MAD1L1: variants seen among roughly 807,000 people sequenced by gnomAD.
MAD1L1 encodes mitotic arrest deficient 1 like 1.
Under a neutral mutation model 96.9 loss-of-function variants are expected in MAD1L1, and 95 were observed. That is an observed-to-expected ratio of 0.98 (90% CI 0.83 to 1.16). The LOEUF is 1.16. MAD1L1 is among the 50% of genes most tolerant of loss of function. MAD1L1 has a pLI of 0.00. For synonymous variants in MAD1L1, 473 were observed against 396.6 expected, an observed-to-expected ratio of 1.19 and a Z score of -2.29; for missense variants, 1,007 against 954.4, an observed-to-expected ratio of 1.06 and a Z score of -0.73.
At chr7:2,211,622 C>A (rs2114984486) in intron 10 of MAD1L1, among the ~76,000 whole-genome samples, 1 of 152,326 alleles carries the variant, frequency 6.6e-6, no homozygotes, top group African/African-American at 2.4e-5. Flanking sequence ...GCCCAGAGAA[C>A]AGACAGAAGC....
intron 10 of MAD1L1, among the ~76,000 whole-genome samples, chr7:2,206,852 C>T (rs557255781): frequency 6.6e-6 from 1 of 151,778 alleles, no homozygotes; most frequent in East Asian, 1.9e-4. Flanking sequence ...GAGGCCAAGG[C>T]GGGTGGATCA....
chr7:1,962,461 A>G (rs1112057), intron 15 of MAD1L1, among the ~76,000 whole-genome samples: 2,781 of 152,316 alleles, frequency 0.018, 93 homozygotes, highest in African/African-American at 0.063. Flanking sequence ...GAAAAATTGG[A>G]CTTTATCATA....
intron 12 of MAD1L1, among the ~76,000 whole-genome samples, chr7:2,055,449 G>T (rs116872964): frequency 0.022 from 3,406 of 152,178 alleles, 38 homozygotes; most frequent in Non-Finnish European, 0.033. Flanking sequence ...TGAGACATGG[G>T]GACCGCAGGC....
intron 18 of MAD1L1, among the ~76,000 whole-genome samples, chr7:1,854,844 C>T (rs2128643292): frequency 6.6e-6 from 1 of 152,324 alleles, no homozygotes; most frequent in East Asian, 1.9e-4. Flanking sequence ...GCTCCCATTT[C>T]AAAAGGGGGA....
Position 2,037,013 on chromosome 7 carries a change from G to A in MAD1L1, c.1219-22371C>T, listed in dbSNP as rs190905698. On this transcript the variant is annotated intron_variant, in intron 12 of 18. Coordinates refer to ENST00000265854, the MANE Select transcript of MAD1L1 (RefSeq NM_001013836.2). ...CACGAGCTTCCGCGTGCCCACCCAC[G>A]CGCAGAAGACCTCCACCTGCCGCAT... is the stretch of plus-strand genomic sequence containing the variant. Among the ~76,000 whole-genome samples the A allele has an allele frequency of 3.0e-4, 46 of 151,804 alleles. 3 individuals are homozygous for A. The highest frequency in any genetic ancestry group is 2.5e-3 in the Admixed American group (38 of 15,248).
At chr7:2,198,820 G>C (rs896460324) in intron 10 of MAD1L1, among the ~76,000 whole-genome samples, 2 of 152,208 alleles carry the variant, frequency 1.3e-5, no homozygotes, top group African/African-American at 2.4e-5. Context: ...CATCAGGCTG[G>C]GCAAGGATGG....
chr7:1,872,324 G>T (rs532304880), intron 18 of MAD1L1, among the ~76,000 whole-genome samples: 5 of 152,214 alleles, frequency 3.3e-5, no homozygotes, highest in Non-Finnish European at 7.3e-5. Flanking sequence ...CGGCCTGGCC[G>T]ATGGCCCTGA....
In MAD1L1 at chr7:2,149,147, T is replaced by A; in HGVS notation, c.1073+5A>T. 1 of 1,613,880 alleles carries A rather than the reference T, an allele frequency of 6.2e-7. No individual in the cohort carries two copies. The highest frequency in any genetic ancestry group is 8.5e-7 in the Non-Finnish European group (1 of 1,179,938). ...CCCACAAGCACCCTGGGCGGCCAGG[T>A]CTACCTGCTGGTGACGGCGCTGTTC... On this transcript the variant is annotated splice_donor_5th_base_variant and intron_variant, in intron 11 of 18. Transcript: ENST00000265854.
chr7:2,096,064 G>A (rs1017224731), intron 11 of MAD1L1, among the ~76,000 whole-genome samples: 2 of 152,232 alleles, frequency 1.3e-5, no homozygotes, highest in African/African-American at 4.8e-5. Context: ...ACAGCTCGCA[G>A]CCCACAAACA....
intron 18 of MAD1L1, among the ~76,000 whole-genome samples, chr7:1,888,361 C>A (rs1786289164): frequency 1.5e-5 from 2 of 129,722 alleles, no homozygotes; most frequent in Non-Finnish European, 1.7e-5. Flanking sequence ...TGTGTGCATG[C>A]ATGCGTGTAT....
At chr7:1,933,899 G>A (rs749654299) in intron 17 of MAD1L1, among the ~76,000 whole-genome samples, 6 of 152,176 alleles carry the variant, frequency 3.9e-5, no homozygotes, top group Non-Finnish European at 8.8e-5. Context: ...CTGCGTTGGA[G>A]TTTTGAGGTG....
chr7:2,209,686 G>C lies in MAD1L1; in HGVS notation c.986+3526C>G, dbSNP rs10232676. On this transcript the variant is annotated intron_variant, in intron 10 of 18. Coordinates refer to ENST00000265854, the MANE Select transcript of MAD1L1 (RefSeq NM_001013836.2). The stretch of plus-strand genomic sequence containing the variant: ...GTGGCAGCAGCTCCTCCACACCCAC[G>C]GGGCCTCGGGCCTCGGCAAGCCCCA... Among the ~76,000 whole-genome samples, 1,411 of 152,270 alleles carry C rather than the reference G, an allele frequency of 9.3e-3. 26 individuals carry two copies. Among genetic ancestry groups the C allele is most frequent in the African/African-American group, 0.031 (1,306 of 41,548 alleles).
chr7:2,004,000 T>C (rs1056427097), intron 13 of MAD1L1, among the ~76,000 whole-genome samples: 2 of 152,166 alleles, frequency 1.3e-5, no homozygotes, highest in African/African-American at 2.4e-5. Flanking sequence ...TTCACCGAGC[T>C]GCAGCCCTGG....
intron 3 of MAD1L1, 74 bp downstream of exon 3, chr7:2,229,910 G>T: frequency 6.6e-7 from 1 of 1,508,286 alleles, no homozygotes; most frequent in Non-Finnish European, 9.0e-7. Flanking sequence ...CTCAACTACA[G>T]AAGACTGGAA....
Position 1,849,004 on chromosome 7 carries a change from G to A in MAD1L1, c.1999-32776C>T, listed in dbSNP as rs533129404. The A allele has an allele frequency of 5.2e-5, 8 of 154,450 alleles. 1 individual carries two copies. The highest frequency in any genetic ancestry group is 1.4e-4 in the African/African-American group (6 of 41,590). The allele number at this position is 154,450 out of a possible 1,614,324, so 9.6% of individuals were successfully genotyped here. The stretch of plus-strand genomic sequence containing the variant: ...ACACCAGCGGGGGCACAGAGGCGAC[G>A]GCATGTAGTTCTCCAGCCTGTTTGT... On this transcript the variant is annotated intron_variant, in intron 18 of 18. Coordinates refer to ENST00000265854, the MANE Select transcript of MAD1L1 (RefSeq NM_001013836.2).
At chr7:1,941,077 C>G (rs1778974800) in intron 16 of MAD1L1, among the ~76,000 whole-genome samples, 1 of 124,746 alleles carries the variant, frequency 8.0e-6, no homozygotes, top group African/African-American at 3.2e-5. Context: ...AGTGACCATC[C>G]TAGAGGCTGC....
At chr7:1,902,969 A>C in intron 17 of MAD1L1, among the ~76,000 whole-genome samples, 1 of 149,480 alleles carries the variant, frequency 6.7e-6, no homozygotes, top group African/African-American at 2.5e-5. Context: ...GCAAGCGAGG[A>C]CCCAGTGGCC....
At chr7:2,037,860 A>T (rs536049028) in intron 12 of MAD1L1, among the ~76,000 whole-genome samples, 15 of 152,296 alleles carry the variant, frequency 9.8e-5, no homozygotes, top group African/African-American at 3.6e-4. Context: ...ACAGCCTCTA[A>T]GCATTCAAGA....
At chr7:2,046,647 G>A (rs774977041) in intron 12 of MAD1L1, among the ~76,000 whole-genome samples, 13 of 152,210 alleles carry the variant, frequency 8.5e-5, no homozygotes, top group Non-Finnish European at 1.3e-4. Context: ...CGCCTCACCC[G>A]CCTGCCCTAC....
Sources: allele counts gnomAD v4.1 joint callset (sites outside exome capture counted in the v4.1 genomes callset), GRCh38; gene constraint gnomAD v4.1.1; transcripts MANE v1.5; gene names NCBI Gene and HGNC (gene_info 2026-07-23, HGNC 2026-07-21).